GABRG1: variants seen among roughly 807,000 people sequenced by gnomAD.
GABRG1 encodes gamma-aminobutyric acid type A receptor subunit gamma1.
GABRG1 carries 49 observed loss-of-function variants against 49.8 expected under a neutral mutation model. That is an observed-to-expected ratio of 0.98 (90% confidence interval 0.78 to 1.25). GABRG1 has a LOEUF of 1.25. Among genes scored for constraint, GABRG1 ranks in the 50% most tolerant of loss-of-function variants. The pLI is 0.00. For missense variants in GABRG1, 552 were observed against 552.3 expected (o/e 1.00, Z 0.01); for synonymous variants, 232 against 185.1 (o/e 1.25, Z -2.06).
At chr4:46,121,077 C>T (rs181217883) in intron 1 of GABRG1, among the ~76,000 whole-genome samples, 47 of 151,638 alleles carry the variant, frequency 3.1e-4, no homozygotes, top group African/African-American at 8.9e-4. Context: ...TTTCATAGTT[C>T]AGCAATAAAA....
intron 3 of GABRG1, among the ~76,000 whole-genome samples, chr4:46,080,561 A>C (rs999383180): frequency 2.0e-5 from 3 of 151,908 alleles, no homozygotes; most frequent in African/African-American, 7.2e-5. Context: ...GTTGAAGGTT[A>C]CAAGTGTGTA....
At chr4:46,097,832 G>T (rs1333664083) in intron 1 of GABRG1, among the ~76,000 whole-genome samples, 1 of 151,612 alleles carries the variant, frequency 6.6e-6, no homozygotes, top group Non-Finnish European at 1.5e-5. Context: ...GTAAAGGAAG[G>T]TTTGAATAAA....
chr4:46,059,509 T>C (rs2109403697), intron 5 of GABRG1, among the ~76,000 whole-genome samples: 1 of 152,158 alleles, frequency 6.6e-6, no homozygotes, highest in Middle Eastern at 3.4e-3. Flanking sequence ...TGCCTCAGCC[T>C]CCCAAGTAGC....
chr4:46,058,263 C>T lies in GABRG1; in HGVS notation c.870G>A (p.Val290=). ...PCILTVVLSW[V]SFWINKDAVP... The stretch of plus-strand genomic sequence containing the variant: ...CTGCATCTTTATTGATCCAAAAAGA[C>T]ACCCAAGAAAGAACAACTGTCAGAA... Residue 290 remains valine (V), a synonymous_variant, in exon 7 of 9, where the codon GTG becomes GTA. Transcript: ENST00000295452. 6.2e-7 allele frequency: 1 copy of T among 1,613,172 alleles called. No individual in the cohort carries two copies. The highest frequency in any genetic ancestry group is 8.5e-7 in the Non-Finnish European group (1 of 1,179,492).
chr4:46,059,502 C>T (rs1293188429), intron 5 of GABRG1, among the ~76,000 whole-genome samples: 7 of 152,050 alleles, frequency 4.6e-5, no homozygotes, highest in African/African-American at 1.7e-4. Context: ...ATTCTCATGC[C>T]TCAGCCTCCC....
intron 1 of GABRG1, among the ~76,000 whole-genome samples, chr4:46,121,630 G>GCATCTTGAAGAAAACAGTATATGATA (rs60851872): frequency 0.094 from 14,226 of 151,846 alleles, 1,660 homozygotes; most frequent in African/African-American, 0.28. Flanking sequence ...AGTATATGAT[G>GCATCTTGAAGAAAACAGTATATGATA]CATCTTAAAG....
chr4:46,121,811 A>G (rs1252821069), intron 1 of GABRG1, among the ~76,000 whole-genome samples: 1 of 152,074 alleles, frequency 6.6e-6, no homozygotes, highest in Non-Finnish European at 1.5e-5. Context: ...TATTCACTGG[A>G]CAAAATAATC....
At chr4:46,121,580 G>GT (rs1450809334) in intron 1 of GABRG1, among the ~76,000 whole-genome samples, 1 of 143,416 alleles carries the variant, frequency 7.0e-6, no homozygotes, top group Non-Finnish European at 1.5e-5. Flanking sequence ...GCCTACAAAA[G>GT]TGTTTCTGTG....
chr4:46,096,704 C>T (rs1720174416), intron 2 of GABRG1, among the ~76,000 whole-genome samples: 1 of 150,240 alleles, frequency 6.7e-6, no homozygotes, highest in Admixed American at 6.6e-5. Context: ...AAAAAGTGTC[C>T]TTAAAAAAGA....
chr4:46,066,252 C>T (rs1051064775), intron 3 of GABRG1, among the ~76,000 whole-genome samples: 8 of 152,026 alleles, frequency 5.3e-5, no homozygotes, highest in Non-Finnish European at 7.4e-5. Context: ...AGAAACTAGA[C>T]GCAAAAAACA....
intron 1 of GABRG1, among the ~76,000 whole-genome samples, chr4:46,118,084 A>G (rs1202206914): frequency 1.4e-5 from 2 of 142,418 alleles, no homozygotes; most frequent in Non-Finnish European, 3.1e-5. Context: ...GTATATATAT[A>G]CATATGTATA....
chr4:46,097,173 A>G (rs1216430750), intron 2 of GABRG1, 28 bp downstream of exon 2: 1 of 1,581,964 alleles, frequency 6.3e-7, no homozygotes, highest in South Asian at 1.2e-5. Context: ...ATGGTCATCA[A>G]AATCCCAGAA....
Position 46,076,822 on chromosome 4 carries a change from T to G in GABRG1, c.321+7164A>C, listed in dbSNP as rs117111129. ...GAAGTTTCAAAAAATTCAAAAAATT[T>G]TTGAATTTGTTTTCTAGGCATTCAA... On this transcript the variant is annotated intron_variant, in intron 3 of 8. Transcript: ENST00000295452. 4.8e-3 allele frequency among the ~76,000 whole-genome samples: 728 copies of G among 151,932 alleles called. 25 individuals carry two copies. The East Asian group carries it at 0.092, about 19-fold the overall frequency.
chr4:46,045,439 G>T (rs894846329), intron 8 of GABRG1, among the ~76,000 whole-genome samples: 1 of 151,510 alleles, frequency 6.6e-6, no homozygotes, highest in African/African-American at 2.4e-5. Context: ...TTTCCAAGGA[G>T]AAAATAGAAA....
chr4:46,052,003 C>T (rs1192918921), intron 7 of GABRG1, among the ~76,000 whole-genome samples: 1 of 151,696 alleles, frequency 6.6e-6, no homozygotes, highest in African/African-American at 2.4e-5. Flanking sequence ...CAAAGGGAAC[C>T]AAGTCAAGAA....
intron 1 of GABRG1, among the ~76,000 whole-genome samples, chr4:46,120,459 A>G (rs376307032): frequency 1.5e-4 from 23 of 151,750 alleles, no homozygotes; most frequent in Non-Finnish European, 7.4e-5. Context: ...GTTTGGATAA[A>G]CTAAAAGACT....
intron 1 of GABRG1, among the ~76,000 whole-genome samples, chr4:46,107,983 T>C (rs1038147094): frequency 1.3e-5 from 2 of 151,078 alleles, no homozygotes; most frequent in African/African-American, 2.4e-5. Context: ...AGAGGACATA[T>C]GACAAAAAAG....
chr4:46,101,711 T>C (rs960419519), intron 1 of GABRG1, among the ~76,000 whole-genome samples: 3 of 151,772 alleles, frequency 2.0e-5, no homozygotes, highest in African/African-American at 7.2e-5. Context: ...ATCACGGTAT[T>C]ACCTATGATT....
intron 3 of GABRG1, among the ~76,000 whole-genome samples, chr4:46,074,279 A>G (rs554973785): frequency 6.6e-6 from 1 of 152,308 alleles, no homozygotes; most frequent in South Asian, 2.1e-4. Flanking sequence ...GCAAGAGAGA[A>G]CACTATATTT....
Sources: gnomAD v4.1 joint callset for allele counts (sites outside exome capture counted in the v4.1 genomes callset) on GRCh38, gnomAD v4.1.1 for gene constraint, MANE v1.5 for transcripts, NCBI Gene and HGNC (gene_info 2026-07-23, HGNC 2026-07-21) for gene names.